The following RIC1 variants were observed in gnomAD, a reference collection of about 807,000 sequenced individuals.
RIC1 encodes the protein guanine nucleotide exchange factor subunit RIC1.
Under a neutral mutation model 169.0 loss-of-function variants are expected in RIC1, and 88 were observed. That is an observed-to-expected ratio of 0.52 (90% CI 0.44 to 0.62). The LOEUF (loss-of-function observed/expected upper bound fraction) is 0.62, where lower values mean the gene tolerates loss of function less well. RIC1 is among the 20% of genes least tolerant of loss of function. RIC1 has a pLI of 0.00. For synonymous variants in RIC1, 790 were observed against 601.5 expected, an observed-to-expected ratio of 1.31 and a Z score of -4.59; for missense variants, 1,877 against 1,725.5, an observed-to-expected ratio of 1.09 and a Z score of -1.56.
At chr9:5,635,944 A>C (rs1323864895) in intron 1 of RIC1, among the ~76,000 whole-genome samples, 1 of 152,196 alleles carries the variant, frequency 6.6e-6, no homozygotes, top group Non-Finnish European at 1.5e-5. Flanking sequence ...AATCTCAGGG[A>C]AGTTTGTTAT....
intron 12 of RIC1, among the ~76,000 whole-genome samples, chr9:5,751,528 G>T (rs1044082081): frequency 6.6e-6 from 1 of 151,714 alleles, no homozygotes; most frequent in Non-Finnish European, 1.5e-5. Context: ...GCTAATTTTT[G>T]TATTTTTAGT....
chr9:5,778,456 C>G (rs2146711), downstream of RIC1, among the ~76,000 whole-genome samples: 41,425 of 152,034 alleles, frequency 0.27, 6,559 homozygotes, highest in East Asian at 0.53. Flanking sequence ...AGTGGATATC[C>G]TTGTCTTCTG....
chr9:5,778,046 G>A (rs567342251), downstream of RIC1, among the ~76,000 whole-genome samples: 1 of 152,306 alleles, frequency 6.6e-6, no homozygotes, highest in South Asian at 2.1e-4. Flanking sequence ...TAAAGCAAAT[G>A]TGGAGAATAT....
At chr9:5,726,729 G>A (rs1291802542) in intron 6 of RIC1, among the ~76,000 whole-genome samples, 1 of 152,210 alleles carries the variant, frequency 6.6e-6, no homozygotes, top group Non-Finnish European at 1.5e-5. Flanking sequence ...TCCTTCAGGA[G>A]CTCTTGTAAG....
intron 1 of RIC1, among the ~76,000 whole-genome samples, chr9:5,629,674 C>G (rs879416508): frequency 8.5e-5 from 13 of 152,234 alleles, no homozygotes; most frequent in Admixed American, 7.2e-4. Context: ...TCGCTGCTGC[C>G]GAAAATCCCT....
chr9:5,665,946 G>A (rs1819726854), intron 2 of RIC1, among the ~76,000 whole-genome samples: 1 of 152,192 alleles, frequency 6.6e-6, no homozygotes, highest in Admixed American at 6.5e-5. Context: ...GAAGCAGTCT[G>A]GCTGCAGCAG....
chr9:5,695,724 C>G (rs967826369), intron 3 of RIC1, among the ~76,000 whole-genome samples: 1 of 151,956 alleles, frequency 6.6e-6, no homozygotes, highest in Non-Finnish European at 1.5e-5. Context: ...GCATGCACCA[C>G]CACACCTAGC....
rs1205951382 is a variant in RIC1, at chr9:5,774,561, GCTTA to G, written c.*319_*322del. 9.9e-6 allele frequency: 2 copies of G among 201,894 alleles called. No homozygotes were observed. The highest frequency in any genetic ancestry group is 2.0e-5 in the Non-Finnish European group (2 of 100,608). The allele number at this position is 201,894 out of a possible 1,614,324, so 12.5% of individuals were successfully genotyped here. On this transcript the variant is annotated 3_prime_UTR_variant, in exon 26 of 26. Coordinates refer to ENST00000414202, the MANE Select transcript of RIC1 (RefSeq NM_020829.4). ...ACAGGAATTGTTTTGCCCCAGGTGA[GCTTA>G]CTTTTTCACTACTTACATCTTCTCA...
chr9:5,761,959 T>C (rs1826364581), intron 17 of RIC1, among the ~76,000 whole-genome samples: 1 of 152,236 alleles, frequency 6.6e-6, no homozygotes, highest in East Asian at 1.9e-4. Flanking sequence ...TTAACTCTGA[T>C]TTTTTAAATA....
At chr9:5,761,103 C>CTTT in intron 17 of RIC1, among the ~76,000 whole-genome samples, 1 of 138,256 alleles carries the variant, frequency 7.2e-6, no homozygotes, top group African/African-American at 2.7e-5. Flanking sequence ...ACCAGCCTCA[C>CTTT]CTTTTTTTTT....
chr9:5,680,757 T>A (rs1437904406), intron 2 of RIC1, among the ~76,000 whole-genome samples: 1 of 151,798 alleles, frequency 6.6e-6, no homozygotes. Context: ...TTATTAGTCT[T>A]GCTAGCGGTC....
intron 23 of RIC1, 99 bp from the exon 24 acceptor site, chr9:5,772,465 C>A: frequency 2.1e-6 from 2 of 942,262 alleles, no homozygotes. Context: ...TTTCAAGATC[C>A]TGAGAAATCA....
chr9:5,662,947 T>G (rs1819541997), intron 2 of RIC1, among the ~76,000 whole-genome samples: 1 of 152,184 alleles, frequency 6.6e-6, no homozygotes, highest in Non-Finnish European at 1.5e-5. Context: ...GAGATCTTTG[T>G]AGCTTTTTGA....
chr9:5,643,457 A>G (rs1225991455), intron 1 of RIC1, among the ~76,000 whole-genome samples: 1 of 152,164 alleles, frequency 6.6e-6, no homozygotes, highest in Non-Finnish European at 1.5e-5. Flanking sequence ...GCAGTGAGCC[A>G]TGATTGCACT....
At chr9:5,675,663 G>A (rs751398816) in intron 2 of RIC1, among the ~76,000 whole-genome samples, 6 of 152,102 alleles carry the variant, frequency 3.9e-5, no homozygotes, top group Non-Finnish European at 8.8e-5. Context: ...AAAGCTATCA[G>A]ACTGTTCCCT....
At position 5,769,114 on chromosome 9, in the gene RIC1, A is replaced by G. The variant is rs762651500; in HGVS notation, c.3282A>G (p.Leu1094=). 3.0e-5 allele frequency: 48 copies of G among 1,614,012 alleles called. No individual in the cohort carries two copies. The highest frequency in any genetic ancestry group is 3.7e-5 in the Non-Finnish European group (44 of 1,179,990). The change falls in exon 22 of 26, where the codon CTA becomes CTG. Residue 1094 remains leucine, a synonymous_variant. Coordinates refer to ENST00000414202, the MANE Select transcript of RIC1 (RefSeq NM_020829.4). ...AQLGFELISW[L]CKERTRAARV... ...TGGGCTTTGAACTAATTAGTTGGCT[A>G]TGCAAGGAACGTACCCGAGCCGCCC...
intron 2 of RIC1, among the ~76,000 whole-genome samples, chr9:5,676,347 C>T (rs151284685): frequency 2.0e-3 from 306 of 152,182 alleles, no homozygotes; most frequent in African/African-American, 6.7e-3. Context: ...TATGAATTAA[C>T]GGTGTACTTG....
chr9:5,683,358 T>G (rs1443577162), intron 2 of RIC1, among the ~76,000 whole-genome samples: 1 of 152,210 alleles, frequency 6.6e-6, no homozygotes, highest in East Asian at 1.9e-4. Flanking sequence ...TAGTTTTCCC[T>G]CTAACAGTCA....
At chr9:5,678,115 G>C (rs1012892406) in intron 2 of RIC1, among the ~76,000 whole-genome samples, 37 of 150,700 alleles carry the variant, frequency 2.5e-4, no homozygotes, top group Non-Finnish European at 4.4e-5. Flanking sequence ...TTTTGTCCTT[G>C]GGATAGTTTG....
Sources: gnomAD v4.1 joint callset for allele counts (sites outside exome capture counted in the v4.1 genomes callset) on GRCh38, gnomAD v4.1.1 for gene constraint, MANE v1.5 for transcripts, NCBI Gene and HGNC (gene_info 2026-07-23, HGNC 2026-07-21) for gene names.